The following GLE1 variants were observed in gnomAD, a reference collection of about 807,000 sequenced individuals.
The protein encoded by GLE1 is GLE1 RNA export mediator.
Under a neutral mutation model 97.3 loss-of-function variants are expected in GLE1, and 78 were observed. The ratio of observed to expected loss-of-function variants is 0.80; its 90% confidence interval spans 0.67 to 0.97. GLE1 has a LOEUF of 0.97. Among genes scored for constraint, GLE1 ranks in the 50% least tolerant of loss-of-function variants. GLE1 has a pLI of 0.00. For synonymous variants in GLE1, 302 were observed against 313.4 expected (o/e 0.96, Z 0.39); for missense variants, 753 against 857.5 (o/e 0.88, Z 1.52).
chr9:128,509,081 C>A lies in GLE1; in HGVS notation c.305C>A (p.Thr102Lys). The change falls in exon 2 of 16, where the codon ACA becomes AAA. Residue 102 changes from threonine (T) to lysine (K), a missense_variant. Coordinates refer to ENST00000309971, the MANE Select transcript of GLE1 (RefSeq NM_001003722.2). ...SSAFSPASPATPNGTKGKDES... is the reference protein window; with the variant it reads ...SSAFSPASPAKPNGTKGKDES... ...GCCTTTTCCCCAGCCTCCCCTGCAA[C>A]ACCAAATGGAACCAAGGTAAGGTTG... The A allele has an allele frequency of 6.2e-7, 1 of 1,604,360 alleles. No homozygotes were observed. Among genetic ancestry groups the A allele is most frequent in the Non-Finnish European group, 8.5e-7 (1 of 1,171,066 alleles).
chr9:128,507,791 A>C (rs1316227332), intron 1 of GLE1, among the ~76,000 whole-genome samples: 1 of 150,358 alleles, frequency 6.7e-6, no homozygotes, highest in East Asian at 2.0e-4. Context: ...GGGAGGCTGA[A>C]GCAGGAGAAT....
intron 5 of GLE1, 98 bp from the exon 6 acceptor site, chr9:128,523,494 C>CAA (rs1847211002): frequency 6.7e-7 from 1 of 1,491,768 alleles, no homozygotes; most frequent in African/African-American, 1.4e-5. Flanking sequence ...GCTCTGAGCC[C>CAA]ATCTGTGAAA....
At chr9:128,507,948 G>A (rs909993811) in intron 1 of GLE1, among the ~76,000 whole-genome samples, 2 of 151,962 alleles carry the variant, frequency 1.3e-5, no homozygotes, top group African/African-American at 4.8e-5. Context: ...GGGAGGCTGA[G>A]GCGGGTGGAT....
chr9:128,504,987 C>G lies in GLE1; in HGVS notation c.99+83C>G, dbSNP rs79699209. Reference sequence around the variant, plus strand: ...TCCCTAGCCGTTGGCACGTTCTGCTCCCGGGAACCCGTGCAGTCTAACAAC... The same window carrying G: ...TCCCTAGCCGTTGGCACGTTCTGCTGCCGGGAACCCGTGCAGTCTAACAAC... On this transcript the variant is annotated intron_variant, in intron 1 of 15. Coordinates refer to ENST00000309971, the MANE Select transcript of GLE1 (RefSeq NM_001003722.2). The G allele has an allele frequency of 6.3e-3, 5,434 of 868,830 alleles. 197 individuals carry two copies. The African/African-American group carries it at 0.079, about 13-fold the overall frequency. The allele number at this position is 868,830 out of a possible 1,614,324, so 53.8% of individuals were successfully genotyped here. A position where few individuals can be genotyped will look rare whatever the true frequency, so the allele number is the denominator to read the frequency against.
intron 2 of GLE1, among the ~76,000 whole-genome samples, chr9:128,511,022 C>A (rs1024956780): frequency 6.6e-6 from 1 of 150,814 alleles, no homozygotes; most frequent in Non-Finnish European, 1.5e-5. Flanking sequence ...AGCTTGACCA[C>A]AGTGAAACCC....
intron 5 of GLE1, 119 bp from the exon 6 acceptor site, chr9:128,523,473 G>A (rs1847210609): frequency 2.8e-6 from 4 of 1,425,670 alleles, no homozygotes; most frequent in Non-Finnish European, 4.0e-6. Context: ...ACCTTGGGAT[G>A]TCCTCTTCCT....
chr9:128,540,940 G>A (rs1847867150), intron 15 of GLE1, 162 bp from the exon 16 acceptor site: 1 of 643,774 alleles, frequency 1.6e-6, no homozygotes, highest in Non-Finnish European at 2.8e-6. Context: ...ATGCAGAAGT[G>A]GACATCTTAT....
chr9:128,516,117 C>T (rs1846979065), intron 3 of GLE1, among the ~76,000 whole-genome samples: 1 of 151,886 alleles, frequency 6.6e-6, no homozygotes, highest in Admixed American at 6.6e-5. Flanking sequence ...CCACCACACC[C>T]AGCTACTTTA....
chr9:128,507,248 A>G (rs1475483039), intron 1 of GLE1, among the ~76,000 whole-genome samples: 3 of 152,128 alleles, frequency 2.0e-5, no homozygotes, highest in Non-Finnish European at 4.4e-5. Context: ...CATAATCCCA[A>G]CACTTTGCGA....
chr9:128,539,272 A>T (rs1726994509), intron 13 of GLE1, among the ~76,000 whole-genome samples: 1 of 152,128 alleles, frequency 6.6e-6, no homozygotes, highest in Admixed American at 6.6e-5. Context: ...CCATACATGA[A>T]CAATGATCCT....
rs139000576 is a variant in GLE1 at position 128,518,145 on chromosome 9, G to A, written c.432+2506G>A. ...ATTCATTTTCTTAAAAAAAACTCAC[G>A]TGCCTGGCCTATTTTTTTTTTTTTC... On this transcript the variant is annotated intron_variant, in intron 3 of 15. Coordinates refer to ENST00000309971, the MANE Select transcript of GLE1 (RefSeq NM_001003722.2). Among the ~76,000 whole-genome samples the A allele has an allele frequency of 1.8e-3, 268 of 151,572 alleles. 1 individual carries two copies. Among genetic ancestry groups the A allele is most frequent in the African/African-American group, 6.2e-3 (256 of 41,340 alleles).
chr9:128,518,497 G>C (rs1847048889), intron 3 of GLE1, among the ~76,000 whole-genome samples: 1 of 152,144 alleles, frequency 6.6e-6, no homozygotes, highest in Middle Eastern at 3.4e-3. Context: ...GGAGGTGGAG[G>C]TTGCAGTGAG....
At chr9:128,517,876 G>C (rs1847032188) in intron 3 of GLE1, among the ~76,000 whole-genome samples, 1 of 151,730 alleles carries the variant, frequency 6.6e-6, no homozygotes, top group African/African-American at 2.4e-5. Flanking sequence ...CTCTTTTTCA[G>C]ATTCACTTGT....
chr9:128,528,248 C>A (rs1333718968), intron 9 of GLE1, among the ~76,000 whole-genome samples: 1 of 151,616 alleles, frequency 6.6e-6, no homozygotes, highest in African/African-American at 2.4e-5. Flanking sequence ...TGGTGATCCA[C>A]CTGCCTCGGC....
chr9:128,508,437 A>C (rs1203926955), intron 1 of GLE1, among the ~76,000 whole-genome samples: 2 of 152,142 alleles, frequency 1.3e-5, no homozygotes, highest in Non-Finnish European at 2.9e-5. Context: ...GAAAAAATAT[A>C]TACATCTAGG....
chr9:128,541,296 A>C lies in GLE1; in HGVS notation c.*126A>C. ...TGCCATTATGTATTTTTATGTATTTATGCCTTGTGACTAGGAGAGGAGATT... is the reference window on the plus strand; with the variant it reads ...TGCCATTATGTATTTTTATGTATTTCTGCCTTGTGACTAGGAGAGGAGATT... On this transcript the variant is annotated 3_prime_UTR_variant, in exon 16 of 16. Transcript: ENST00000309971. 1.4e-6 allele frequency: 1 copy of C among 729,112 alleles called. No homozygotes were observed. The highest frequency in any genetic ancestry group is 2.5e-6 in the Non-Finnish European group (1 of 399,586). 45.2% of individuals were successfully genotyped at this position (729,112 alleles called of 1,614,324 possible).
intron 13 of GLE1, 52 bp from the exon 14 acceptor site, chr9:128,539,557 CTGTCCTG>C: frequency 7.0e-7 from 1 of 1,419,604 alleles, no homozygotes; most frequent in Non-Finnish European, 1.0e-6. Context: ...CTTTATGAAT[CTGTCCTG>C]TGAGTGTGAA....
intron 5 of GLE1, 53 bp downstream of exon 5, chr9:128,523,393 C>T: frequency 2.0e-6 from 3 of 1,503,018 alleles, no homozygotes; most frequent in Non-Finnish European, 2.8e-6. Context: ...CTGTAACCTG[C>T]CTGGAGAGCC....
rs1564149537 is a variant in GLE1, at chr9:128,522,653, A to AC, written c.433-15_433-14insC. On this transcript the variant is annotated splice_polypyrimidine_tract_variant and intron_variant, in intron 3 of 15. Coordinates refer to ENST00000309971, the MANE Select transcript of GLE1 (RefSeq NM_001003722.2). The stretch of plus-strand genomic sequence containing the variant: ...TCCATCTTAAAAAAAAAAAAAAAAA[A>AC]AAAAACCTTTTCAGGAGGGCCTGAG... 1.2e-6 allele frequency: 2 copies of AC among 1,604,176 alleles called. No homozygotes were observed. Among genetic ancestry groups the AC allele is most frequent in the African/African-American group, 2.7e-5 (2 of 73,786 alleles).
Sources: gnomAD v4.1 joint callset for allele counts (sites outside exome capture counted in the v4.1 genomes callset) on GRCh38, gnomAD v4.1.1 for gene constraint, MANE v1.5 for transcripts, NCBI Gene and HGNC (gene_info 2026-07-23, HGNC 2026-07-21) for gene names.